Variants in SEMA5B observed in about 807,000 individuals in gnomAD.
SEMA5B encodes the protein semaphorin-5B.
In SEMA5B, 66 loss-of-function variants were observed where a neutral mutation model predicts 135.0. The observed-to-expected ratio is 0.49, with a 90% CI of 0.40 to 0.60. The LOEUF (loss-of-function observed/expected upper bound fraction) is 0.60, where lower values mean the gene tolerates loss of function less well. Among genes scored for constraint, SEMA5B ranks in the 20% least tolerant of loss-of-function variants. The pLI, the probability that SEMA5B is intolerant of heterozygous loss-of-function variation, is 0.00. For missense variants in SEMA5B, 1,501 were observed against 1,566.3 expected (o/e 0.96, Z 0.70); for synonymous variants, 690 against 639.5 (o/e 1.08, Z -1.19).
At chr3:122,920,911 G>C (rs2107634568) in intron 12 of SEMA5B, among the ~76,000 whole-genome samples, 1 of 152,312 alleles carries the variant, frequency 6.6e-6, no homozygotes, top group Admixed American at 6.5e-5. Flanking sequence ...CCTGAACATG[G>C]TATGTCTTAG....
intron 2 of SEMA5B, among the ~76,000 whole-genome samples, 189 bp from the exon 3 acceptor site, chr3:122,948,898 T>C (rs917726256): frequency 6.6e-6 from 1 of 152,232 alleles, no homozygotes; most frequent in Non-Finnish European, 1.5e-5. Context: ...TAATTTCCCT[T>C]GTAATAGCAT....
chr3:123,000,246 C>T (rs985145020), intron 1 of SEMA5B, among the ~76,000 whole-genome samples: 1 of 152,078 alleles, frequency 6.6e-6, no homozygotes, highest in Non-Finnish European at 1.5e-5. Flanking sequence ...GAGCAGCCCT[C>T]CCGAAGGATA....
chr3:122,921,169 C>T (rs1275688014), intron 12 of SEMA5B, among the ~76,000 whole-genome samples: 3 of 152,242 alleles, frequency 2.0e-5, no homozygotes, highest in African/African-American at 7.2e-5. Context: ...GCAAAGGCCA[C>T]AGAAGCTCGC....
At chr3:122,962,544 A>G (rs1252720681) in intron 1 of SEMA5B, among the ~76,000 whole-genome samples, 3 of 152,240 alleles carry the variant, frequency 2.0e-5, no homozygotes, top group East Asian at 1.9e-4. Context: ...GAACTGCACT[A>G]CAACAAAAAG....
At chr3:122,968,453 C>A (rs1011200053) in intron 1 of SEMA5B, among the ~76,000 whole-genome samples, 1 of 152,160 alleles carries the variant, frequency 6.6e-6, no homozygotes, top group Non-Finnish European at 1.5e-5. Context: ...TTGGGGGTGA[C>A]CTAGTAGCGG....
At chr3:122,979,525 C>G (rs1941451049) in intron 1 of SEMA5B, among the ~76,000 whole-genome samples, 1 of 152,226 alleles carries the variant, frequency 6.6e-6, no homozygotes, top group Admixed American at 6.5e-5. Context: ...AGGGGCTCCC[C>G]TTCTCTCTTG....
chr3:122,936,859 G>A (rs955373640), intron 5 of SEMA5B, among the ~76,000 whole-genome samples: 4 of 152,202 alleles, frequency 2.6e-5, no homozygotes, highest in Admixed American at 6.5e-5. Flanking sequence ...TTGGAGGATT[G>A]GGAAGGAGCT....
chr3:122,934,981 T>G (rs1317920316), intron 5 of SEMA5B, among the ~76,000 whole-genome samples: 1 of 152,148 alleles, frequency 6.6e-6, no homozygotes, highest in Non-Finnish European at 1.5e-5. Flanking sequence ...GGGGGATGTA[T>G]GTAAATGAAA....
intron 4 of SEMA5B, among the ~76,000 whole-genome samples, chr3:122,941,859 A>G (rs927932378): frequency 6.6e-6 from 1 of 152,240 alleles, no homozygotes; most frequent in Admixed American, 6.5e-5. Flanking sequence ...TGAAGGGTAT[A>G]TGGGATCTCT....
At chr3:122,982,317 A>G (rs1941545342) in intron 1 of SEMA5B, among the ~76,000 whole-genome samples, 1 of 152,218 alleles carries the variant, frequency 6.6e-6, no homozygotes, top group East Asian at 1.9e-4. Context: ...GGAAATGTGG[A>G]TGCTAAATAA....
intron 7 of SEMA5B, 120 bp from the exon 8 acceptor site, chr3:122,928,123 C>T (rs1009496675): frequency 9.4e-6 from 6 of 639,998 alleles, no homozygotes; most frequent in East Asian, 6.4e-5. Context: ...CCTCCTCCAG[C>T]GTCATCTCAC....
At chr3:122,932,012 TA>T (rs1482724088) in intron 5 of SEMA5B, among the ~76,000 whole-genome samples, 1 of 152,196 alleles carries the variant, frequency 6.6e-6, no homozygotes, top group Admixed American at 6.5e-5. Flanking sequence ...CAGATGTCTT[TA>T]ACTGAAAGAC....
intron 9 of SEMA5B, 126 bp from the exon 10 acceptor site, chr3:122,923,878 C>CACG: frequency 2.1e-6 from 2 of 946,550 alleles, no homozygotes; most frequent in East Asian, 2.6e-5. Flanking sequence ...GTGTCTGGCA[C>CACG]ATGGGGGGAT....
chr3:122,953,371 T>C (rs1006917261), intron 2 of SEMA5B, among the ~76,000 whole-genome samples: 6 of 152,210 alleles, frequency 3.9e-5, no homozygotes, highest in African/African-American at 1.4e-4. Flanking sequence ...CCTGGGCCTC[T>C]TCTCCTACCC....
Position 122,921,969 on chromosome 3 carries a change from C to T in SEMA5B, c.1634G>A (p.Arg545Lys). The change falls in exon 12 of 23, where the codon AGA becomes AAA. Residue 545 changes from arginine (R) to lysine (K), a missense_variant. Arg to Lys is a conservative substitution (Grantham distance 26). Coordinates refer to ENST00000357599, the MANE Select transcript of SEMA5B (RefSeq NM_001031702.4). ...CAGTGGGACCCGCAGGACGCCGTCT[C>T]TCAGCCCCACGAAGAGCGCGCGGGC... ...HSARALFVGL[R>K]DGVLRVPLER... 2.0e-6 allele frequency: 3 copies of T among 1,536,346 alleles called. No individual in the cohort carries two copies. The highest frequency in any genetic ancestry group is 2.6e-6 in the Non-Finnish European group (3 of 1,145,456).
In SEMA5B at chr3:122,918,698, G is replaced by A. The variant is rs1299640542; in HGVS notation, c.1689-2808C>T. On this transcript the variant is annotated intron_variant, in intron 12 of 22. Coordinates refer to ENST00000357599, the MANE Select transcript of SEMA5B (RefSeq NM_001031702.4). ...AGGATACCAGATTCTTCATGGACACGCCTGCCCTGCCCCTTCCCTGGCAGC... is the reference window on the plus strand; with the variant it reads ...AGGATACCAGATTCTTCATGGACACACCTGCCCTGCCCCTTCCCTGGCAGC... 2.6e-5 allele frequency among the ~76,000 whole-genome samples: 4 copies of A among 152,286 alleles called. No individual in the cohort carries two copies. In the East Asian group the frequency reaches 5.8e-4, roughly 22 times the overall value.
chr3:122,942,117 C>T (rs1018870145), intron 4 of SEMA5B, among the ~76,000 whole-genome samples: 3 of 152,084 alleles, frequency 2.0e-5, no homozygotes, highest in Admixed American at 6.5e-5. Context: ...TACCATAAGA[C>T]AAAATAGTTA....
Position 122,913,053 on chromosome 3 carries a change from C to T in SEMA5B, c.2515G>A (p.Glu839Lys). Reference protein sequence around the residue: ...SGSCDTDALVEVLLRSGSTSP... With the variant: ...SGSCDTDALVKVLLRSGSTSP... ...GTGCTCCCGCTGCGCAGGAGGACCTCCACCAGGGCTGCGGAGGGGCTAGGC... is the reference window on the plus strand; with the variant it reads ...GTGCTCCCGCTGCGCAGGAGGACCTTCACCAGGGCTGCGGAGGGGCTAGGC... Residue 839 changes from glutamate to lysine, a missense_variant, in exon 18 of 23, where the codon GAG becomes AAG. Glu to Lys is a moderately conservative substitution (Grantham distance 56). This residue lies in a region of SEMA5B where 927 missense variants were observed against 881.6 expected (regional missense o/e 1.05). Coordinates refer to ENST00000357599, the MANE Select transcript of SEMA5B (RefSeq NM_001031702.4). The T allele has an allele frequency of 6.6e-7, 1 of 1,520,214 alleles. No individual in the cohort carries two copies. Among genetic ancestry groups the T allele is most frequent in the Non-Finnish European group, 8.8e-7 (1 of 1,135,642 alleles). The allele number at this position is 1,520,214 out of a possible 1,614,324, so 94.2% of individuals were successfully genotyped here.
chr3:122,982,958 G>A (rs953240044), intron 1 of SEMA5B, among the ~76,000 whole-genome samples: 1 of 152,162 alleles, frequency 6.6e-6, no homozygotes, highest in African/African-American at 2.4e-5. Context: ...CTCTCCGACC[G>A]GCTGAGGCAG....
Sources: gnomAD v4.1 joint callset for allele counts (sites outside exome capture counted in the v4.1 genomes callset) on GRCh38, gnomAD v4.1.1 for gene constraint, gnomAD v4.1.1 regional missense constraint, MANE v1.5 for transcripts, NCBI Gene and HGNC (gene_info 2026-07-23, HGNC 2026-07-21) for gene names.